RBFOX1: variants seen among roughly 807,000 people sequenced by gnomAD.
The protein encoded by RBFOX1 is RNA binding protein fox-1 homolog 1.
Under a neutral mutation model 57.7 loss-of-function variants are expected in RBFOX1, and 8 were observed. The ratio of observed to expected loss-of-function variants is 0.14; its 90% CI spans 0.08 to 0.25. The LOEUF is 0.25. Ranked by LOEUF, RBFOX1 falls within the 10% of genes least tolerant of loss-of-function variation. The pLI is 1.00. For missense variants in RBFOX1, 611 were observed against 548.5 expected (o/e 1.11, Z -1.14); for synonymous variants, 326 against 222.4 (o/e 1.47, Z -4.15).
chr16:7,102,494 C>T (rs776443604), intron 4 of RBFOX1, among the ~76,000 whole-genome samples: 1 of 152,038 alleles, frequency 6.6e-6, no homozygotes, highest in Non-Finnish European at 1.5e-5. Flanking sequence ...TAATAGAGAC[C>T]AAAGTAGATC....
At chr16:7,575,480 C>G (rs182638537) in intron 5 of RBFOX1, among the ~76,000 whole-genome samples, 135 of 152,126 alleles carry the variant, frequency 8.9e-4, no homozygotes, top group African/African-American at 3.0e-3. Flanking sequence ...TGGAGTTTCA[C>G]CCCCGCAGAG....
intron 4 of RBFOX1, among the ~76,000 whole-genome samples, chr16:5,890,838 C>T (rs544105406): frequency 5.9e-5 from 9 of 152,000 alleles, no homozygotes; most frequent in Non-Finnish European, 1.0e-4. Context: ...ATCCATTCAC[C>T]CAACATTGTG....
At chr16:6,871,621 C>T (rs56197004) in intron 3 of RBFOX1, among the ~76,000 whole-genome samples, 30,763 of 152,046 alleles carry the variant, frequency 0.2, 3,305 homozygotes, top group East Asian at 0.27. Flanking sequence ...TGGCCAAAGC[C>T]ACTCTTCCCT....
intron 4 of RBFOX1, among the ~76,000 whole-genome samples, chr16:7,409,640 C>T (rs1338596934): frequency 6.6e-6 from 1 of 152,238 alleles, no homozygotes; most frequent in Non-Finnish European, 1.5e-5. Flanking sequence ...CACATACCAT[C>T]AGATGTAATC....
At chr16:5,964,132 G>A (rs1241480199) in intron 4 of RBFOX1, among the ~76,000 whole-genome samples, 1 of 152,040 alleles carries the variant, frequency 6.6e-6, no homozygotes, top group Non-Finnish European at 1.5e-5. Context: ...ACACACAAAT[G>A]GACCACAGGT....
chr16:7,541,748 C>G (rs2083003722), intron 5 of RBFOX1, among the ~76,000 whole-genome samples: 1 of 152,182 alleles, frequency 6.6e-6, no homozygotes, highest in African/African-American at 2.4e-5. Flanking sequence ...TAGTCATTAA[C>G]CACCTGGGCC....
At chr16:5,838,848 T>G (rs1030328797) in intron 3 of RBFOX1, among the ~76,000 whole-genome samples, 1 of 152,224 alleles carries the variant, frequency 6.6e-6, no homozygotes. Context: ...ACTACCTCAG[T>G]GAGCTCTCAC....
chr16:7,218,629 T>TCTGTGTGTGTGTGTGTGTGC (rs59243053), intron 4 of RBFOX1, among the ~76,000 whole-genome samples: 2 of 9,394 alleles, frequency 2.1e-4, no homozygotes, highest in African/African-American at 5.2e-4. Context: ...GGGGGTTTGC[T>TCTGTGTGTGTGTGTGTGTGC]GTGTGTGTGT....
intron 1 of RBFOX1, among the ~76,000 whole-genome samples, chr16:6,066,790 G>C (rs2095769713): frequency 6.6e-6 from 1 of 152,172 alleles, no homozygotes; most frequent in Non-Finnish European, 1.5e-5. Flanking sequence ...TGGCCATATG[G>C]TTCTCAGAGT....
intron 4 of RBFOX1, among the ~76,000 whole-genome samples, chr16:7,309,323 C>T (rs539348459): frequency 3.2e-4 from 48 of 152,296 alleles, no homozygotes; most frequent in African/African-American, 1.1e-3. Context: ...TATGGAGGGC[C>T]GCGTGTTGTG....
At chr16:5,366,590 C>A in intron 1 of RBFOX1, 1 of 383,292 alleles carries the variant, frequency 2.6e-6, no homozygotes, top group South Asian at 2.2e-5. Context: ...GATTCTTTTC[C>A]CAGAGAGGAA....
At chr16:5,510,712 G>T (rs185292537) in intron 2 of RBFOX1, among the ~76,000 whole-genome samples, 6 of 152,238 alleles carry the variant, frequency 3.9e-5, no homozygotes, top group Admixed American at 3.9e-4. Context: ...ACCAAGCTTG[G>T]TACCTAGTAA....
At chr16:5,830,718 C>T (rs1019003768) in intron 3 of RBFOX1, among the ~76,000 whole-genome samples, 2 of 152,210 alleles carry the variant, frequency 1.3e-5, no homozygotes, top group African/African-American at 4.8e-5. Flanking sequence ...TAGAATAACA[C>T]TGCCATCTTT....
chr16:5,291,286 G>C (rs550839183), intron 1 of RBFOX1, among the ~76,000 whole-genome samples: 110 of 123,776 alleles, frequency 8.9e-4, no homozygotes, highest in Admixed American at 1.6e-3. Context: ...TTTTTGAGAC[G>C]GAGTCTCACT....
chr16:5,776,719 T>C (rs115242710), intron 3 of RBFOX1, among the ~76,000 whole-genome samples: 5,561 of 152,280 alleles, frequency 0.037, 314 homozygotes, highest in African/African-American at 0.12. Flanking sequence ...ACCCAGACAG[T>C]CTGCCTCCAA....
chr16:6,780,966 T>A (rs1301621609), intron 3 of RBFOX1, among the ~76,000 whole-genome samples: 1 of 152,158 alleles, frequency 6.6e-6, no homozygotes, highest in Non-Finnish European at 1.5e-5. Context: ...TGTTTGTGGT[T>A]GCCTTTGCTG....
At chr16:6,642,658 G>T (rs929576245) in intron 2 of RBFOX1, among the ~76,000 whole-genome samples, 8 of 104,058 alleles carry the variant, frequency 7.7e-5, no homozygotes. Context: ...CCAAAGAAAG[G>T]TAGGGGACTC....
intron 5 of RBFOX1, among the ~76,000 whole-genome samples, chr16:7,553,229 C>G (rs1047356265): frequency 6.6e-6 from 1 of 152,294 alleles, no homozygotes; most frequent in South Asian, 2.1e-4. Context: ...ACTTCAGCCT[C>G]AACCTCCTGG....
chr16:5,685,998 T>G (rs1231407602), intron 3 of RBFOX1, among the ~76,000 whole-genome samples: 5 of 152,216 alleles, frequency 3.3e-5, no homozygotes, highest in Non-Finnish European at 1.5e-5. Flanking sequence ...TAGACTACTG[T>G]GCATCAGTCA....
Sources: gnomAD v4.1 joint callset for allele counts (sites outside exome capture counted in the v4.1 genomes callset) on GRCh38, gnomAD v4.1.1 for gene constraint, MANE v1.5 for transcripts, NCBI Gene and HGNC (gene_info 2026-07-23, HGNC 2026-07-21) for gene names.